Variants in ARHGAP1 observed in about 807,000 individuals in gnomAD.
ARHGAP1 encodes Rho GTPase activating protein 1, also known as rho GTPase-activating protein 1.
Under a neutral mutation model 52.2 loss-of-function variants are expected in ARHGAP1, and 23 were observed. The observed-to-expected ratio is 0.44, with a 90% CI of 0.32 to 0.62. The LOEUF (loss-of-function observed/expected upper bound fraction) is 0.62. Ranked by LOEUF, ARHGAP1 falls within the 20% of genes least tolerant of loss-of-function variation. The probability of loss-of-function intolerance (pLI) is 0.05; values close to 1 mark genes in which losing one functional copy is unlikely to be tolerated. For synonymous variants in ARHGAP1, 210 were observed against 228.4 expected (o/e 0.92, Z 0.73); for missense variants, 480 against 560.9 (o/e 0.86, Z 1.46).
In ARHGAP1 at chr11:46,696,985, C is replaced by CT. The variant is rs1352579972; in HGVS notation, c.-49-830dup. 4 of 152,292 alleles carry CT rather than the reference C, an allele frequency of 2.6e-5. No individual in the cohort carries two copies. Among genetic ancestry groups the CT allele is most frequent in the African/African-American group, 7.2e-5 (3 of 41,450 alleles). 9.4% of individuals were successfully genotyped at this position (152,292 alleles called of 1,614,324 possible). ...TCGCCTGCCAGTCATTGCAGACAGT[C>CT]TGCAGGCTCCTAGGGGCGTCCAAGC... On this transcript the variant is annotated intron_variant, in intron 1 of 12. Coordinates refer to ENST00000311956, the MANE Select transcript of ARHGAP1 (RefSeq NM_004308.5). The surrounding 1 kb of genome is among the most constrained non-coding windows in gnomAD (Gnocchi z 4.8).
intron 4 of ARHGAP1, among the ~76,000 whole-genome samples, chr11:46,685,329 CTTT>C (rs56789699): frequency 3.7e-5 from 5 of 135,696 alleles, no homozygotes; most frequent in Admixed American, 7.4e-5. Context: ...CATGTATATT[CTTT>C]TTTTTTTTTT....
chr11:46,693,461 A>AGT (rs1383389728), intron 3 of ARHGAP1, among the ~76,000 whole-genome samples: 13 of 150,468 alleles, frequency 8.6e-5, no homozygotes, highest in African/African-American at 2.7e-4. Context: ...GCTGGAGTGC[A>AGT]GTGGTTCAAT....
In ARHGAP1 at chr11:46,680,840, A is replaced by G; in HGVS notation, c.636-93T>C. 1 of 1,112,092 alleles carries G rather than the reference A, an allele frequency of 9.0e-7. No individual in the cohort carries two copies. Among genetic ancestry groups the G allele is most frequent in the Middle Eastern group, 2.1e-4 (1 of 4,856 alleles). The allele number at this position is 1,112,092 out of a possible 1,614,324, so 68.9% of individuals were successfully genotyped here. A position where few individuals can be genotyped will look rare whatever the true frequency, so the allele number is the denominator to read the frequency against. ...GCATTGACCACGCGGGGTCAGGAGG[A>G]TCATCTCATGCGATCTCTGTAACAA... is the stretch of plus-strand genomic sequence containing the variant. On this transcript the variant is annotated intron_variant, in intron 7 of 12. Coordinates refer to ENST00000311956, the MANE Select transcript of ARHGAP1 (RefSeq NM_004308.5). The surrounding 1 kb of genome is among the most constrained non-coding windows in gnomAD (Gnocchi z 5.9).
Position 46,682,186 on chromosome 11 carries a change from C to T in ARHGAP1, c.318-4G>A. 1 of 1,613,940 alleles carries T rather than the reference C, an allele frequency of 6.2e-7. No homozygotes were observed. Among genetic ancestry groups the T allele is most frequent in the East Asian group, 2.2e-5 (1 of 44,860 alleles). On this transcript the variant is annotated splice_polypyrimidine_tract_variant and splice_region_variant and intron_variant, in intron 4 of 12. Transcript: ENST00000311956. Reference sequence around the variant, plus strand: ...GTCCAGGGTGTGCTTCAGGTACCTTCCAGGGAAAAGCCCTGCTCAGGCCTG... The same window carrying T: ...GTCCAGGGTGTGCTTCAGGTACCTTTCAGGGAAAAGCCCTGCTCAGGCCTG...
Position 46,679,343 on chromosome 11 carries a change from G to C in ARHGAP1, c.1131+22C>G. The C allele has an allele frequency of 6.2e-7, 1 of 1,612,100 alleles. No individual in the cohort carries two copies. Among genetic ancestry groups the C allele is most frequent in the Non-Finnish European group, 8.5e-7 (1 of 1,179,112 alleles). On this transcript the variant is annotated intron_variant, in intron 12 of 12. Coordinates refer to ENST00000311956, the MANE Select transcript of ARHGAP1 (RefSeq NM_004308.5). This position sits in a 1 kb window ranked among gnomAD's most constrained non-coding sequence, Gnocchi z 4.4. Reference sequence around the variant, plus strand: ...CCTCCTTCCCCCTCCCTTCACCCCAGAGGCCAAGTCCAAGGTCTCACCTGC... The same window carrying C: ...CCTCCTTCCCCCTCCCTTCACCCCACAGGCCAAGTCCAAGGTCTCACCTGC...
chr11:46,683,407 G>A (rs974016614), intron 4 of ARHGAP1, among the ~76,000 whole-genome samples: 4 of 151,994 alleles, frequency 2.6e-5, no homozygotes, highest in Admixed American at 6.6e-5. Flanking sequence ...CAGTGCCGGC[G>A]GTAAAACACT....
chr11:46,696,155 A>G lies in ARHGAP1; in HGVS notation c.-48T>C. ...CTTGCCCTGCAGAACCTTAAGAGAA[A>G]CCTGGGAGAGAGGAAGACAGGTGGC... On this transcript the variant is annotated splice_region_variant and 5_prime_UTR_variant, in exon 2 of 13. Coordinates refer to ENST00000311956, the MANE Select transcript of ARHGAP1 (RefSeq NM_004308.5). This position sits in a 1 kb window ranked among gnomAD's most constrained non-coding sequence, Gnocchi z 4.8. 6.5e-7 allele frequency: 1 copy of G among 1,543,298 alleles called. No individual in the cohort carries two copies. The highest frequency in any genetic ancestry group is 1.4e-5 in the African/African-American group (1 of 73,290).
At chr11:46,695,888 C>G in intron 2 of ARHGAP1, 87 bp downstream of exon 2, 1 of 1,607,148 alleles carries the variant, frequency 6.2e-7, no homozygotes, top group Non-Finnish European at 8.5e-7. Flanking sequence ...TCTGCCCCAT[C>G]CTGCCCTCCT....
chr11:46,697,904 C>T (rs1172247678), intron 1 of ARHGAP1, among the ~76,000 whole-genome samples: 3 of 152,210 alleles, frequency 2.0e-5, no homozygotes, highest in East Asian at 3.8e-4. Context: ...GTGCTTCCTG[C>T]CATCCAGCCA....
chr11:46,682,848 T>A (rs188139701), intron 4 of ARHGAP1, among the ~76,000 whole-genome samples: 1 of 152,266 alleles, frequency 6.6e-6, no homozygotes, highest in Admixed American at 6.5e-5. Context: ...ACAGTCACCA[T>A]TTCTCAATAT....
chr11:46,679,061 T>C lies in ARHGAP1; in HGVS notation c.1296A>G (p.Pro432=). 6.2e-7 allele frequency: 1 copy of C among 1,614,158 alleles called. No individual in the cohort carries two copies. Among genetic ancestry groups the C allele is most frequent in the Non-Finnish European group, 8.5e-7 (1 of 1,180,014 alleles). ...FLLDHQGELF[P]SPDPSGL ...TTCAGAGCCCGCTGGGGTCCGGGCT[T>C]GGGAACAGCTCCCCTTGGTGATCCA... Residue 432 remains proline, a synonymous_variant, in exon 13 of 13, where the codon CCA becomes CCG. Transcript: ENST00000311956. This position sits in a 1 kb window ranked among gnomAD's most constrained non-coding sequence, Gnocchi z 4.4.
chr11:46,690,280 G>A (rs999530346), intron 3 of ARHGAP1, among the ~76,000 whole-genome samples: 4 of 151,980 alleles, frequency 2.6e-5, no homozygotes, highest in African/African-American at 7.3e-5. Flanking sequence ...CCAGCTACTC[G>A]GGAGGCTGAG....
intron 4 of ARHGAP1, chr11:46,687,785 A>G (rs1284232330): frequency 5.4e-6 from 1 of 185,558 alleles, no homozygotes; most frequent in Non-Finnish European, 1.1e-5. Context: ...AATGAGTCCT[A>G]TAAACGATAA....
rs748681686 is a variant in ARHGAP1 at position 46,680,983 on chromosome 11, G to C, written c.635+28C>G. ...CACGTCCTCATTACCCTGGCTTCAC[G>C]AGCCCCCAGCCGCCGCACCCGCCTC... On this transcript the variant is annotated intron_variant, in intron 7 of 12. Coordinates refer to ENST00000311956, the MANE Select transcript of ARHGAP1 (RefSeq NM_004308.5). This position sits in a 1 kb window ranked among gnomAD's most constrained non-coding sequence, Gnocchi z 5.9. 6.2e-7 allele frequency: 1 copy of C among 1,601,108 alleles called. No individual in the cohort carries two copies. The highest frequency in any genetic ancestry group is 2.2e-5 in the East Asian group (1 of 44,798).
At position 46,678,911 on chromosome 11, in the gene ARHGAP1, G is replaced by C. The variant is rs1031631282; in HGVS notation, c.*126C>G. On this transcript the variant is annotated 3_prime_UTR_variant, in exon 13 of 13. Transcript: ENST00000311956. ...GCCGTGAGGCGGGCTGGACAGAGGT[G>C]GGGGAGAGCATGCCTGATGGGTGGC... The C allele has an allele frequency of 3.6e-6, 4 of 1,100,848 alleles. No individual in the cohort carries two copies. Among genetic ancestry groups the C allele is most frequent in the African/African-American group, 3.2e-5 (2 of 63,226 alleles). The allele number at this position is 1,100,848 out of a possible 1,614,324, so 68.2% of individuals were successfully genotyped here.
At position 46,695,460 on chromosome 11, in the gene ARHGAP1, T is replaced by TA. The variant is rs543545532; in HGVS notation, c.229+199dup. 134 of 677,878 alleles carry TA rather than the reference T, an allele frequency of 2.0e-4. No homozygotes were observed. In the African/African-American group the frequency reaches 2.2e-3, roughly 11 times the overall value. The allele number at this position is 677,878 out of a possible 1,614,324, so 42.0% of individuals were successfully genotyped here. A position where few individuals can be genotyped will look rare whatever the true frequency, so the allele number is the denominator to read the frequency against. ...TTATTGTAACCCACAAGGAAGAAAT[T>TA]AGAGTTCAAAGAGCAGAGCTGGAGA... On this transcript the variant is annotated intron_variant, in intron 3 of 12. Transcript: ENST00000311956.
Position 46,680,026 on chromosome 11 carries a change from C to T in ARHGAP1, c.898+179G>A, listed in dbSNP as rs780608583. 9.9e-5 allele frequency among the ~76,000 whole-genome samples: 15 copies of T among 152,228 alleles called. No homozygotes were observed. Among genetic ancestry groups the T allele is most frequent in the South Asian group, 2.1e-4 (1 of 4,828 alleles). ...TCTGAATGTGCCTATACCCAGGACC[C>T]GGGAGCCCGACCGATGAGGCAGCAG... On this transcript the variant is annotated intron_variant, in intron 10 of 12. Coordinates refer to ENST00000311956, the MANE Select transcript of ARHGAP1 (RefSeq NM_004308.5). The surrounding 1 kb of genome is among the most constrained non-coding windows in gnomAD (Gnocchi z 5.9).
In ARHGAP1 at chr11:46,682,095, G is replaced by A; in HGVS notation, c.405C>T (p.Pro135=). 6.2e-7 allele frequency: 1 copy of A among 1,614,210 alleles called. No homozygotes were observed. Among genetic ancestry groups the A allele is most frequent in the Non-Finnish European group, 8.5e-7 (1 of 1,180,030 alleles). The stretch of plus-strand genomic sequence containing the variant: ...AGGCATCACGGAGCCAGCTGAGGGA[G>A]GGCTTGTTGTCGCTGGTCAGGCCGT... ...LHHGLTSDNK[P]SLSWLRDAYR... Residue 135 remains proline (P), a synonymous_variant, in exon 5 of 13, where the codon CCC becomes CCT. Coordinates refer to ENST00000311956, the MANE Select transcript of ARHGAP1 (RefSeq NM_004308.5).
chr11:46,682,017 G>A (rs757337475), intron 5 of ARHGAP1, 34 bp downstream of exon 5: 1 of 1,613,010 alleles, frequency 6.2e-7, no homozygotes. Context: ...GCTGCCTCTG[G>A]ATCTGACTGT....
Sources: allele counts gnomAD v4.1 joint callset (sites outside exome capture counted in the v4.1 genomes callset), GRCh38; gene constraint gnomAD v4.1.1; non-coding constraint Gnocchi (gnomAD v3.1); transcripts MANE v1.5; gene names NCBI Gene and HGNC (gene_info 2026-07-23, HGNC 2026-07-21).